GRM7: variants seen among roughly 807,000 people sequenced by gnomAD.
GRM7 encodes metabotropic glutamate receptor 7.
In GRM7, 35 loss-of-function variants were observed where a neutral mutation model predicts 84.5. That is an observed-to-expected ratio of 0.41 (90% CI 0.32 to 0.55). GRM7 has a LOEUF of 0.55. Among genes scored for constraint, GRM7 ranks in the 20% least tolerant of loss-of-function variants. The pLI is 0.19. For missense variants in GRM7, 1,003 were observed against 1,194.6 expected (o/e 0.84, Z 2.36); for synonymous variants, 487 against 455.1 (o/e 1.07, Z -0.89).
intron 4 of GRM7, among the ~76,000 whole-genome samples, chr3:7,362,411 A>T (rs1693705190): frequency 6.6e-6 from 1 of 152,118 alleles, no homozygotes; most frequent in Non-Finnish European, 1.5e-5. Context: ...GAAAATAATT[A>T]TTATTTGGTC....
At chr3:7,606,477 G>T (rs1333786656) in intron 8 of GRM7, among the ~76,000 whole-genome samples, 6 of 152,130 alleles carry the variant, frequency 3.9e-5, no homozygotes, top group African/African-American at 1.2e-4. Context: ...AGCATAGAAA[G>T]TCATACAATT....
intron 1 of GRM7, among the ~76,000 whole-genome samples, chr3:6,947,465 T>C (rs1698131943): frequency 6.6e-6 from 1 of 152,244 alleles, no homozygotes; most frequent in Non-Finnish European, 1.5e-5. Flanking sequence ...CAGTATTTTA[T>C]TGAGGATTTT....
chr3:6,960,371 T>C (rs1027359127), intron 1 of GRM7, among the ~76,000 whole-genome samples: 1 of 152,134 alleles, frequency 6.6e-6, no homozygotes, highest in Non-Finnish European at 1.5e-5. Context: ...AATCAATGTA[T>C]ATAACCAATG....
chr3:7,029,311 A>C (rs2324048), intron 1 of GRM7, among the ~76,000 whole-genome samples: 64,346 of 144,484 alleles, frequency 0.45, 15,294 homozygotes, highest in South Asian at 0.59. Context: ...CAAAAAAAAA[A>C]AAACAAAAAA....
rs117645861 is a variant in GRM7 at position 6,903,022 on chromosome 3, A to G, written c.519+41115A>G. ...GCCTCTATCTTAAAAGCTGATTTCT[A>G]TTTGCTTTCTTTGCATGGGTGACAT... On this transcript the variant is annotated intron_variant, in intron 1 of 9. Coordinates refer to ENST00000357716, the MANE Select transcript of GRM7 (RefSeq NM_000844.4). Among the ~76,000 whole-genome samples, 639 of 152,170 alleles carry G rather than the reference A, an allele frequency of 4.2e-3. 15 individuals carry two copies. The East Asian group carries it at 0.051, about 12-fold the overall frequency.
chr3:7,667,996 C>T (rs1412838853), intron 8 of GRM7, among the ~76,000 whole-genome samples: 1 of 152,176 alleles, frequency 6.6e-6, no homozygotes, highest in Non-Finnish European at 1.5e-5. Flanking sequence ...GATAAGCTCC[C>T]ATCTTTACAA....
At chr3:7,713,931 C>G (rs1504048) in intron 9 of GRM7, among the ~76,000 whole-genome samples, 1 of 149,986 alleles carries the variant, frequency 6.7e-6, no homozygotes, top group Non-Finnish European at 1.5e-5. Flanking sequence ...AAGGGCATTC[C>G]TAAGAGCCAT....
intron 4 of GRM7, among the ~76,000 whole-genome samples, chr3:7,372,913 T>A (rs370361949): frequency 6.6e-6 from 1 of 152,126 alleles, no homozygotes; most frequent in East Asian, 1.9e-4. Context: ...AAGCAGTATA[T>A]TTTCTCTCTT....
In GRM7 at chr3:7,740,444, C is replaced by A. The variant is rs1014986956; in HGVS notation, c.*38C>A. 2 of 1,237,170 alleles carry A rather than the reference C, an allele frequency of 1.6e-6. No homozygotes were observed. The highest frequency in any genetic ancestry group is 2.3e-6 in the Non-Finnish European group (2 of 869,378). 76.6% of individuals were successfully genotyped at this position (1,237,170 alleles called of 1,614,324 possible). A position where few individuals can be genotyped will look rare whatever the true frequency, so the allele number is the denominator to read the frequency against. The stretch of plus-strand genomic sequence containing the variant: ...CATGGAACCATGGAGGAGGAAGACC[C>A]TCAGTTATTTTGTCACCCAACCTGG... On this transcript the variant is annotated 3_prime_UTR_variant, in exon 10 of 10. Transcript: ENST00000357716.
intron 1 of GRM7, among the ~76,000 whole-genome samples, chr3:6,930,066 G>A (rs1022200205): frequency 4.6e-5 from 7 of 152,178 alleles, no homozygotes; most frequent in African/African-American, 1.7e-4. Flanking sequence ...AATGATACAT[G>A]TTCTGGAGTG....
intron 2 of GRM7, among the ~76,000 whole-genome samples, chr3:7,287,792 C>A (rs113149067): frequency 6.6e-6 from 1 of 151,976 alleles, no homozygotes; most frequent in Non-Finnish European, 1.5e-5. Context: ...TCTTTCAAGT[C>A]TTAAGAGAGG....
At chr3:7,425,296 G>A (rs1001027784) in intron 5 of GRM7, among the ~76,000 whole-genome samples, 4 of 152,106 alleles carry the variant, frequency 2.6e-5, no homozygotes, top group African/African-American at 9.7e-5. Flanking sequence ...GTATTTTCCA[G>A]TTTATGTTCA....
intron 4 of GRM7, among the ~76,000 whole-genome samples, chr3:7,405,757 G>T (rs1028849017): frequency 6.6e-6 from 1 of 152,042 alleles, no homozygotes; most frequent in Non-Finnish European, 1.5e-5. Context: ...TGTGGCATGT[G>T]TCTGTGTTTT....
chr3:7,477,312 G>T (rs1406061658), intron 7 of GRM7, among the ~76,000 whole-genome samples: 2 of 151,972 alleles, frequency 1.3e-5, no homozygotes, highest in Non-Finnish European at 2.9e-5. Flanking sequence ...AGTCTTACTA[G>T]ATCTTACTAA....
At chr3:7,240,150 G>T (rs1391287729) in intron 2 of GRM7, among the ~76,000 whole-genome samples, 3 of 7,028 alleles carry the variant, frequency 4.3e-4, no homozygotes, top group Non-Finnish European at 3.0e-4. Context: ...TTTTTCCAGT[G>T]GCTTAATTTC....
At chr3:7,498,683 T>G (rs1699785416) in intron 7 of GRM7, among the ~76,000 whole-genome samples, 2 of 152,234 alleles carry the variant, frequency 1.3e-5, no homozygotes, top group Admixed American at 6.5e-5. Flanking sequence ...ATAAATTTCT[T>G]TTATGAAACT....
At chr3:6,865,996 T>C (rs1694926239) in intron 1 of GRM7, among the ~76,000 whole-genome samples, 1 of 152,186 alleles carries the variant, frequency 6.6e-6, no homozygotes, top group South Asian at 2.1e-4. Flanking sequence ...TAAAGGGGCA[T>C]TTTTAAAAAG....
intron 1 of GRM7, among the ~76,000 whole-genome samples, chr3:6,972,528 C>T (rs1693799807): frequency 6.6e-6 from 1 of 152,096 alleles, no homozygotes; most frequent in Non-Finnish European, 1.5e-5. Context: ...GTGTATCGTC[C>T]ATTGCTGGTT....
At chr3:7,007,637 G>T (rs1381181251) in intron 1 of GRM7, among the ~76,000 whole-genome samples, 5 of 152,128 alleles carry the variant, frequency 3.3e-5, no homozygotes, top group African/African-American at 9.7e-5. Flanking sequence ...GTCTGAGTTT[G>T]CTCTGCCCTG....
Sources: allele counts gnomAD v4.1 joint callset (sites outside exome capture counted in the v4.1 genomes callset), GRCh38; gene constraint gnomAD v4.1.1; transcripts MANE v1.5; gene names NCBI Gene and HGNC (gene_info 2026-07-23, HGNC 2026-07-21).